The following ADAMTSL1 variants were observed in gnomAD, a reference collection of about 807,000 sequenced individuals.
The protein encoded by ADAMTSL1 is ADAMTS like 1, also known as ADAMTS-like protein 1.
In ADAMTSL1, 126 loss-of-function variants were observed where a neutral mutation model predicts 201.8. The ratio of observed to expected loss-of-function variants is 0.62; its 90% CI spans 0.54 to 0.72. The LOEUF is 0.72. Among genes scored for constraint, ADAMTSL1 ranks in the 30% least tolerant of loss-of-function variants. The pLI is 0.00. For synonymous variants in ADAMTSL1, 1,121 were observed against 903.4 expected, an observed-to-expected ratio of 1.24 and a Z score of -4.32; for missense variants, 2,679 against 2,277.8, an observed-to-expected ratio of 1.18 and a Z score of -3.59.
intron 13 of ADAMTSL1, among the ~76,000 whole-genome samples, chr9:18,697,514 T>C (rs923119227): frequency 7.2e-5 from 11 of 152,194 alleles, no homozygotes; most frequent in Admixed American, 3.3e-4. Flanking sequence ...CTCTTTTGCC[T>C]ATTTCAAAAT....
chr9:18,836,855 G>T (rs949490642), intron 23 of ADAMTSL1, among the ~76,000 whole-genome samples: 3 of 151,978 alleles, frequency 2.0e-5, no homozygotes, highest in African/African-American at 7.2e-5. Context: ...TTATTTTTGT[G>T]TATTTTTGTG....
Position 18,232,024 on chromosome 9 carries a change from G to A in ADAMTSL1, c.207+68043G>A, listed in dbSNP as rs116965854. On this transcript the variant is annotated intron_variant, in intron 2 of 29. Coordinates refer to the ADAMTSL1 transcript ENST00000680146. ...AGCAGCCAGAGTGTAACAGAGAGAT[G>A]TCAAAACATAAGTCACATCGTGTCA... Among the ~76,000 whole-genome samples the A allele has an allele frequency of 4.7e-3, 716 of 152,296 alleles. 2 individuals are homozygous for A. The highest frequency in any genetic ancestry group is 0.027 in the Middle Eastern group (8 of 294).
At chr9:18,099,355 A>ATATATATTT (rs1239180390) in intron 1 of ADAMTSL1, among the ~76,000 whole-genome samples, 3 of 45,562 alleles carry the variant, frequency 6.6e-5, no homozygotes, top group East Asian at 6.0e-4. Flanking sequence ...ATATATATAT[A>ATATATATTT]TTTTTTTTTT....
At position 18,619,210 on chromosome 9, in the gene ADAMTSL1, T is replaced by C. The variant is rs181729681; in HGVS notation, c.475-3033T>C. 3.9e-5 allele frequency among the ~76,000 whole-genome samples: 6 copies of C among 152,348 alleles called. No individual in the cohort carries two copies. The East Asian group carries it at 1.2e-3, about 29-fold the overall frequency. ...TAATAGTAGGTCTTAAAGTAACAAC[T>C]AATTTTAATTAATCTAATAGTTACT... On this transcript the variant is annotated intron_variant, in intron 4 of 28. Coordinates refer to ENST00000380548, the MANE Select transcript of ADAMTSL1 (RefSeq NM_001040272.6).
rs546490003 is a variant in ADAMTSL1, at chr9:18,907,035, G to T, written c.5182+123G>T. 15 of 1,129,496 alleles carry T rather than the reference G, an allele frequency of 1.3e-5. No homozygotes were observed. The Admixed American group carries it at 1.7e-4, about 13-fold the overall frequency. 70.0% of individuals were successfully genotyped at this position (1,129,496 alleles called of 1,614,324 possible). A position where few individuals can be genotyped will look rare whatever the true frequency, so the allele number is the denominator to read the frequency against. On this transcript the variant is annotated intron_variant, in intron 28 of 28. Transcript: ENST00000380548. Reference sequence around the variant, plus strand: ...TCAGCTTCCCCAGGGATTGTGAGCTGGTGGTGGAGTTGAGCATTTCAGTGG... The same window carrying T: ...TCAGCTTCCCCAGGGATTGTGAGCTTGTGGTGGAGTTGAGCATTTCAGTGG...
intron 3 of ADAMTSL1, among the ~76,000 whole-genome samples, chr9:18,561,513 G>C (rs751646250): frequency 6.6e-6 from 1 of 152,122 alleles, no homozygotes; most frequent in East Asian, 1.9e-4. Context: ...TGTTGATTTG[G>C]GGTGGACGGT....
At chr9:18,786,744 G>T (rs1043359854) in intron 19 of ADAMTSL1, among the ~76,000 whole-genome samples, 2 of 152,204 alleles carry the variant, frequency 1.3e-5, no homozygotes, top group South Asian at 4.1e-4. Flanking sequence ...GGAAAACAGC[G>T]TGATGGAGAA....
chr9:18,370,629 G>A (rs1837002409), intron 2 of ADAMTSL1, among the ~76,000 whole-genome samples: 1 of 150,272 alleles, frequency 6.7e-6, no homozygotes, highest in Non-Finnish European at 1.5e-5. Flanking sequence ...TATCTAAGCA[G>A]TATGTCCCCT....
chr9:18,806,535 A>G (rs1161222622), intron 20 of ADAMTSL1, among the ~76,000 whole-genome samples: 6 of 152,214 alleles, frequency 3.9e-5, no homozygotes, highest in Non-Finnish European at 7.3e-5. Flanking sequence ...AGTGCTTACA[A>G]TGCTCTCTAC....
intron 23 of ADAMTSL1, among the ~76,000 whole-genome samples, chr9:18,836,771 C>T (rs541119448): frequency 6.6e-6 from 1 of 152,176 alleles, no homozygotes; most frequent in Admixed American, 6.6e-5. Flanking sequence ...TCTATGATTT[C>T]TTTCAGCATT....
At chr9:18,883,366 C>G (rs1454601774) in intron 23 of ADAMTSL1, among the ~76,000 whole-genome samples, 1 of 152,210 alleles carries the variant, frequency 6.6e-6, no homozygotes. Flanking sequence ...CAAGCAAAAG[C>G]TCCCAAGATC....
chr9:18,732,817 G>A (rs1474879634), intron 15 of ADAMTSL1, among the ~76,000 whole-genome samples: 1 of 152,140 alleles, frequency 6.6e-6, no homozygotes, highest in Non-Finnish European at 1.5e-5. Context: ...ACCTTCACAG[G>A]TCATCTTTGA....
chr9:18,206,225 A>T (rs560111585), intron 2 of ADAMTSL1, among the ~76,000 whole-genome samples: 5 of 152,162 alleles, frequency 3.3e-5, no homozygotes, highest in Middle Eastern at 6.8e-3. Flanking sequence ...TTAGAAGCTG[A>T]TGTATTTTTT....
chr9:17,955,272 T>A (rs1234523607), intron 1 of ADAMTSL1, among the ~76,000 whole-genome samples: 10 of 152,304 alleles, frequency 6.6e-5, no homozygotes, highest in Non-Finnish European at 1.0e-4. Context: ...ATCAACTAAG[T>A]GGCTCATCTC....
chr9:18,296,367 AT>A (rs2132706737), intron 2 of ADAMTSL1, among the ~76,000 whole-genome samples: 1 of 152,300 alleles, frequency 6.6e-6, no homozygotes, highest in Admixed American at 6.5e-5. Flanking sequence ...TTTAATATGC[AT>A]TGGATATTAT....
intron 1 of ADAMTSL1, among the ~76,000 whole-genome samples, chr9:18,134,712 A>G (rs767663382): frequency 2.0e-5 from 3 of 152,230 alleles, no homozygotes; most frequent in Non-Finnish European, 2.9e-5. Flanking sequence ...TAAAGTCATT[A>G]TCGAATATAG....
chr9:18,247,037 T>G (rs1016708372), intron 2 of ADAMTSL1, among the ~76,000 whole-genome samples: 2 of 152,142 alleles, frequency 1.3e-5, no homozygotes, highest in African/African-American at 4.8e-5. Flanking sequence ...ATGCATGTGT[T>G]TTTTTGGGTA....
At chr9:18,634,593 A>C (rs1486183825) in intron 5 of ADAMTSL1, among the ~76,000 whole-genome samples, 1 of 151,986 alleles carries the variant, frequency 6.6e-6, no homozygotes, top group Non-Finnish European at 1.5e-5. Flanking sequence ...TAATCCCAGC[A>C]CTTTGGGAGG....
chr9:18,103,679 A>G lies in ADAMTSL1; in HGVS notation c.88-60183A>G, dbSNP rs1461619741. 3.3e-5 allele frequency among the ~76,000 whole-genome samples: 5 copies of G among 152,194 alleles called. No individual in the cohort carries two copies. The South Asian group carries it at 6.2e-4, about 19-fold the overall frequency. ...TTCTTATAGTATTTGAGTGCCTGCT[A>G]TAAAAACAGCAATGTTGTATGTCAT... On this transcript the variant is annotated intron_variant, in intron 1 of 29. Transcript: ENST00000680146.
Sources: allele counts gnomAD v4.1 joint callset (sites outside exome capture counted in the v4.1 genomes callset), GRCh38; gene constraint gnomAD v4.1.1; transcripts MANE v1.5; gene names NCBI Gene and HGNC (gene_info 2026-07-23, HGNC 2026-07-21).